SLC36A2: variants seen among roughly 807,000 people sequenced by gnomAD.
SLC36A2 encodes proton-coupled amino acid transporter 2.
Under a neutral mutation model 42.7 loss-of-function variants are expected in SLC36A2, and 39 were observed. The ratio of observed to expected loss-of-function variants is 0.91; its 90% CI spans 0.71 to 1.19. The LOEUF is 1.19. Ranked by LOEUF, SLC36A2 falls within the 50% of genes most tolerant of loss-of-function variation. The probability of loss-of-function intolerance (pLI) is 0.00; values close to 1 mark genes in which losing one functional copy is unlikely to be tolerated. For synonymous variants in SLC36A2, 237 were observed against 240.8 expected (o/e 0.98, Z 0.15); for missense variants, 590 against 613.7 (o/e 0.96, Z 0.41).
intron 5 of SLC36A2, chr5:151,338,728 C>A: frequency 4.3e-6 from 1 of 234,334 alleles, no homozygotes; most frequent in African/African-American, 2.3e-5. Context: ...TAGGAATCAT[C>A]AAAAGAAGAC....
intron 5 of SLC36A2, among the ~76,000 whole-genome samples, chr5:151,336,687 T>C (rs1436392310): frequency 2.7e-5 from 4 of 149,356 alleles, no homozygotes; most frequent in Non-Finnish European, 4.4e-5. Flanking sequence ...CAAGAAACCG[T>C]CCCCCACCCC....
At chr5:151,323,487 C>G (rs1381739747) in intron 8 of SLC36A2, among the ~76,000 whole-genome samples, 1 of 152,206 alleles carries the variant, frequency 6.6e-6, no homozygotes, top group African/African-American at 2.4e-5. Flanking sequence ...ACTTAATCCT[C>G]ATGACAACTC....
intron 6 of SLC36A2, among the ~76,000 whole-genome samples, chr5:151,334,519 C>T (rs552132392): frequency 2.6e-5 from 4 of 152,032 alleles, no homozygotes; most frequent in Non-Finnish European, 4.4e-5. Flanking sequence ...CGTGAAACTC[C>T]GTCTCTACTA....
chr5:151,322,070 G>A lies in SLC36A2; in HGVS notation c.1156C>T (p.Arg386Cys), dbSNP rs772148171. 71 of 1,614,060 alleles carry A rather than the reference G, an allele frequency of 4.4e-5. No homozygotes were observed. The highest frequency in any genetic ancestry group is 1.6e-4 in the Middle Eastern group (1 of 6,084). ...RWALPLDLSI[R>C]LVMVCLTCLL... Reference sequence around the variant, plus strand: ...CATGTCAGGCAGACCATGACGAGGCGAATGGACAGATCCAGAGGCAGTGCC... The same window carrying A: ...CATGTCAGGCAGACCATGACGAGGCAAATGGACAGATCCAGAGGCAGTGCC... The change falls in exon 9 of 10, where the codon CGC (arginine) becomes TGC (cysteine). Residue 386 changes from arginine to cysteine, a missense_variant. Physicochemically the swap from Arg to Cys is radical, Grantham distance 180. Coordinates refer to ENST00000335244, the MANE Select transcript of SLC36A2 (RefSeq NM_181776.3).
chr5:151,336,698 C>T (rs1756168247), intron 5 of SLC36A2, among the ~76,000 whole-genome samples: 1 of 150,648 alleles, frequency 6.6e-6, no homozygotes, highest in African/African-American at 2.4e-5. Context: ...CCCCCACCCC[C>T]CCACACATTA....
At chr5:151,332,878 C>T (rs958972346) in intron 7 of SLC36A2, among the ~76,000 whole-genome samples, 1 of 152,204 alleles carries the variant, frequency 6.6e-6, no homozygotes, top group African/African-American at 2.4e-5. Flanking sequence ...ACAGAACTTT[C>T]CAGGTTAAAA....
intron 7 of SLC36A2, among the ~76,000 whole-genome samples, chr5:151,331,934 T>G (rs756794081): frequency 9.9e-5 from 15 of 152,058 alleles, no homozygotes; most frequent in Non-Finnish European, 1.8e-4. Context: ...TGGCGCCATC[T>G]TAGCTCACTG....
chr5:151,317,543 A>G (rs58875582), intron 9 of SLC36A2, among the ~76,000 whole-genome samples: 12,395 of 151,862 alleles, frequency 0.082, 785 homozygotes, highest in African/African-American at 0.17. Context: ...AAGTCCTCCA[A>G]TATCCCTAAT....
chr5:151,340,218 AGAG>A (rs1314613428), intron 4 of SLC36A2, among the ~76,000 whole-genome samples: 5 of 120,432 alleles, frequency 4.2e-5, no homozygotes, highest in African/African-American at 1.1e-4. Flanking sequence ...AGGAGGAGGG[AGAG>A]GAGGAGGAAG....
chr5:151,341,797 C>G (rs1440393037), intron 4 of SLC36A2, among the ~76,000 whole-genome samples: 1 of 152,152 alleles, frequency 6.6e-6, no homozygotes, highest in East Asian at 1.9e-4. Context: ...ACCCATATAT[C>G]CCCACTAGAC....
chr5:151,329,903 A>G (rs891620605), intron 7 of SLC36A2, among the ~76,000 whole-genome samples: 1 of 152,164 alleles, frequency 6.6e-6, no homozygotes, highest in Non-Finnish European at 1.5e-5. Flanking sequence ...TGCAGTATTC[A>G]TGGGCTGCAA....
chr5:151,334,347 GC>G (rs1309847624), intron 6 of SLC36A2, among the ~76,000 whole-genome samples: 8 of 152,156 alleles, frequency 5.3e-5, no homozygotes, highest in African/African-American at 1.9e-4. Context: ...TATTAAATAT[GC>G]CAAGGGGCTT....
chr5:151,346,974 G>C (rs1358432099), intron 1 of SLC36A2, among the ~76,000 whole-genome samples: 2 of 152,086 alleles, frequency 1.3e-5, no homozygotes, highest in Non-Finnish European at 2.9e-5. Context: ...TAACATCGCT[G>C]GCCAGGAACA....
intron 4 of SLC36A2, among the ~76,000 whole-genome samples, chr5:151,340,170 A>AGAAGGT (rs1756288200): frequency 2.0e-5 from 1 of 49,854 alleles, no homozygotes; most frequent in Admixed American, 2.0e-4. Context: ...AAGAAGAGGA[A>AGAAGGT]GGAGGAGGAG....
intron 4 of SLC36A2, among the ~76,000 whole-genome samples, chr5:151,340,206 G>GGAGGAGGAGGGA: frequency 7.4e-6 from 1 of 135,704 alleles, no homozygotes; most frequent in South Asian, 2.2e-4. Flanking sequence ...GAGGAGGAGA[G>GGAGGAGGAGGGA]GAGGAGGAGG....
In SLC36A2 at chr5:151,316,790, G is replaced by A; in HGVS notation, c.*27C>T. 11 of 1,610,718 alleles carry A rather than the reference G, an allele frequency of 6.8e-6. No individual in the cohort carries two copies. Among genetic ancestry groups the A allele is most frequent in the Non-Finnish European group, 9.3e-6 (11 of 1,177,468 alleles). ...AGATCCATATAATTAAAAGTCGGGT[G>A]CTGGTAGGCAAGGAGCAGTGCCAGG... On this transcript the variant is annotated 3_prime_UTR_variant, in exon 10 of 10. Coordinates refer to ENST00000335244, the MANE Select transcript of SLC36A2 (RefSeq NM_181776.3).
rs780988774 is a variant in SLC36A2, at chr5:151,343,032, A to G, written c.345-49T>C. On this transcript the variant is annotated intron_variant, in intron 3 of 9. Coordinates refer to ENST00000335244, the MANE Select transcript of SLC36A2 (RefSeq NM_181776.3). ...GTTTCCAAGAGATAGTTTAGCCTAA[A>G]CTCACATGGTCAAAAGTCAGGAGAC... 11 of 1,467,196 alleles carry G rather than the reference A, an allele frequency of 7.5e-6. 1 individual carries two copies. The Admixed American group carries it at 1.9e-4, about 25-fold the overall frequency. 90.9% of individuals were successfully genotyped at this position (1,467,196 alleles called of 1,614,324 possible).
intron 6 of SLC36A2, 143 bp downstream of exon 6, chr5:151,335,186 A>G (rs1756115847): frequency 3.0e-6 from 2 of 665,070 alleles, no homozygotes; most frequent in Admixed American, 2.2e-5. Context: ...ACATCCTTGT[A>G]GAAGAAATGC....
chr5:151,331,620 G>C (rs932706458), intron 7 of SLC36A2, among the ~76,000 whole-genome samples: 1 of 151,918 alleles, frequency 6.6e-6, no homozygotes, highest in Non-Finnish European at 1.5e-5. Flanking sequence ...ATCTAGACAT[G>C]ACCCTAGATT....
Sources: gnomAD v4.1 joint callset for allele counts (sites outside exome capture counted in the v4.1 genomes callset) on GRCh38, gnomAD v4.1.1 for gene constraint, MANE v1.5 for transcripts, NCBI Gene and HGNC (gene_info 2026-07-23, HGNC 2026-07-21) for gene names.